Variants in SCN2A observed in about 807,000 individuals in gnomAD.
The protein encoded by SCN2A is sodium voltage-gated channel alpha subunit 2, also known as sodium channel protein type 2 subunit alpha.
SCN2A carries 20 observed loss-of-function variants against 188.7 expected under a neutral mutation model. That is an observed-to-expected ratio of 0.11 (90% confidence interval 0.07 to 0.15). SCN2A has a LOEUF of 0.15. Among genes scored for constraint, SCN2A ranks in the 10% least tolerant of loss-of-function variants. SCN2A has a pLI of 1.00. For synonymous variants in SCN2A, 804 were observed against 833.1 expected (o/e 0.97, Z 0.60); for missense variants, 1,278 against 2,445.0 (o/e 0.52, Z 10.07).
At chr2:165,384,147 T>C (rs1701743705) in intron 25 of SCN2A, among the ~76,000 whole-genome samples, 2 of 151,764 alleles carry the variant, frequency 1.3e-5, no homozygotes, top group African/African-American at 2.4e-5. Flanking sequence ...GAGTAATATA[T>C]GAAAAGAACA....
chr2:165,387,369 C>A (rs1701929789), intron 26 of SCN2A, among the ~76,000 whole-genome samples: 2 of 152,148 alleles, frequency 1.3e-5, no homozygotes, highest in Admixed American at 6.5e-5. Flanking sequence ...TCAATCCACA[C>A]ACATATATAC....
At position 165,375,081 on chromosome 2, in the gene SCN2A, A is replaced by T. The variant is rs1283927328; in HGVS notation, c.4254+115A>T. 5.5e-6 allele frequency: 5 copies of T among 909,470 alleles called. No individual in the cohort carries two copies. The African/African-American group carries it at 8.3e-5, about 15-fold the overall frequency. The allele number at this position is 909,470 out of a possible 1,614,324, so 56.3% of individuals were successfully genotyped here. On this transcript the variant is annotated intron_variant, in intron 22 of 26. Coordinates refer to ENST00000375437, the MANE Select transcript of SCN2A (RefSeq NM_001040142.2). ...ATGGCTATTATCAAACAGATAAATG[A>T]CAATAAATGCTGGCAAGAATGTGAA...
At chr2:165,377,557 A>T in intron 22 of SCN2A, 40 bp from the exon 23 acceptor site, 1 of 1,524,850 alleles carries the variant, frequency 6.6e-7, no homozygotes, top group Non-Finnish European at 9.1e-7. Flanking sequence ...CTAAAATTAT[A>T]ATTTTGGGAA....
At chr2:165,369,813 C>T (rs1328284064) in intron 19 of SCN2A, among the ~76,000 whole-genome samples, 1 of 152,126 alleles carries the variant, frequency 6.6e-6, no homozygotes, top group Non-Finnish European at 1.5e-5. Flanking sequence ...CTGAATGAGA[C>T]CAATCTACTC....
chr2:165,359,512 C>T (rs144080300), intron 17 of SCN2A, among the ~76,000 whole-genome samples: 261 of 152,140 alleles, frequency 1.7e-3, no homozygotes, highest in African/African-American at 6.0e-3. Flanking sequence ...TTTCAATCCT[C>T]ACATTATGGC....
In SCN2A at chr2:165,342,508, A is replaced by G. The variant is rs532136970; in HGVS notation, c.2562+39A>G. On this transcript the variant is annotated intron_variant, in intron 15 of 26. Transcript: ENST00000375437. ...GAGTGTTCATAAAATGTACTTTGTAATTAATTAGTCTTCATTCTCATCTAG... is the reference window on the plus strand; with the variant it reads ...GAGTGTTCATAAAATGTACTTTGTAGTTAATTAGTCTTCATTCTCATCTAG... 3.1e-6 allele frequency: 5 copies of G among 1,598,996 alleles called. No homozygotes were observed. The East Asian group carries it at 8.9e-5, about 29-fold the overall frequency.
At position 165,354,554 on chromosome 2, in the gene SCN2A, A is replaced by G. The variant is rs1700084881; in HGVS notation, c.3282A>G (p.Ser1094=). 1 of 1,614,158 alleles carries G rather than the reference A, an allele frequency of 6.2e-7. No homozygotes were observed. The highest frequency in any genetic ancestry group is 1.3e-5 in the African/African-American group (1 of 75,064). ...TCGTGGATGAAAGTGATTACATGTC[A>G]TTTATAAACAACCCTAGCCTCACTG... ...KYVVDESDYM[S]FINNPSLTVT... Residue 1094 remains serine (S), a synonymous_variant, in exon 17 of 27, where the codon TCA becomes TCG. Coordinates refer to ENST00000375437, the MANE Select transcript of SCN2A (RefSeq NM_001040142.2).
At chr2:165,377,731 A>G in intron 23 of SCN2A, 81 bp downstream of exon 23, 1 of 1,146,368 alleles carries the variant, frequency 8.7e-7, no homozygotes, top group Non-Finnish European at 1.3e-6. Flanking sequence ...TATTGTCAAT[A>G]AAATAAAATT....
chr2:165,389,873 G>C lies in SCN2A; in HGVS notation c.*49G>C. On this transcript the variant is annotated 3_prime_UTR_variant, in exon 27 of 27. Transcript: ENST00000375437. This position sits in a 1 kb window ranked among gnomAD's most constrained non-coding sequence, Gnocchi z 4.2. Reference sequence around the variant, plus strand: ...TTGTGATCAATTGTTTACAGCCCGTGATGGTGATGTGTTTGTGTCAACAGG... The same window carrying C: ...TTGTGATCAATTGTTTACAGCCCGTCATGGTGATGTGTTTGTGTCAACAGG... The C allele has an allele frequency of 1.3e-6, 2 of 1,547,324 alleles. No homozygotes were observed. Among genetic ancestry groups the C allele is most frequent in the Non-Finnish European group, 1.7e-6 (2 of 1,149,776 alleles).
intron 16 of SCN2A, among the ~76,000 whole-genome samples, chr2:165,348,445 G>T (rs1228657319): frequency 6.6e-6 from 1 of 151,476 alleles, no homozygotes; most frequent in Non-Finnish European, 1.5e-5. Context: ...GATAGAGAAA[G>T]GGGAAGGGAA....
chr2:165,256,166 C>T (rs1421895072), intron 1 of SCN2A, among the ~76,000 whole-genome samples: 4 of 151,654 alleles, frequency 2.6e-5, no homozygotes, highest in Non-Finnish European at 4.4e-5. Flanking sequence ...CCCCCACGGC[C>T]GACTAATTAT....
intron 3 of SCN2A, among the ~76,000 whole-genome samples, chr2:165,301,435 A>G (rs1447253514): frequency 6.6e-6 from 1 of 152,178 alleles, no homozygotes; most frequent in African/African-American, 2.4e-5. Flanking sequence ...TGGTAGGAAA[A>G]TGGAAAACAT....
intron 14 of SCN2A, among the ~76,000 whole-genome samples, chr2:165,340,298 A>G (rs990389492): frequency 1.4e-5 from 2 of 140,840 alleles, no homozygotes; most frequent in Non-Finnish European, 3.1e-5. Flanking sequence ...CAAACAATGG[A>G]GACCTACTGA....
At chr2:165,294,019 A>C in intron 1 of SCN2A, 1 of 857,900 alleles carries the variant, frequency 1.2e-6, no homozygotes, top group Non-Finnish European at 1.4e-6. Context: ...TTAAAAAAAA[A>C]AAAAAAAAAA....
intron 12 of SCN2A, among the ~76,000 whole-genome samples, chr2:165,323,974 G>A (rs772758702): frequency 6.6e-6 from 1 of 152,168 alleles, no homozygotes; most frequent in Non-Finnish European, 1.5e-5. Context: ...GCAGGTCAGA[G>A]TGTTGTAACC....
intron 3 of SCN2A, among the ~76,000 whole-genome samples, chr2:165,303,415 A>G (rs1026332156): frequency 2.0e-5 from 3 of 151,620 alleles, no homozygotes; most frequent in African/African-American, 7.3e-5. Flanking sequence ...AGCTGGGACT[A>G]CAGGCGCCCG....
chr2:165,303,597 A>G (rs1261117102), intron 3 of SCN2A, among the ~76,000 whole-genome samples: 1 of 152,138 alleles, frequency 6.6e-6, no homozygotes, highest in Non-Finnish European at 1.5e-5. Context: ...TTTTAAGATC[A>G]TCTGAAACTA....
At chr2:165,246,889 C>G (rs563461520) in intron 1 of SCN2A, among the ~76,000 whole-genome samples, 1 of 152,096 alleles carries the variant, frequency 6.6e-6, no homozygotes, top group African/African-American at 2.4e-5. Context: ...AGATTTCATA[C>G]CCTTTCTTTT....
At chr2:165,356,104 C>T (rs945764012) in intron 17 of SCN2A, among the ~76,000 whole-genome samples, 2 of 151,522 alleles carry the variant, frequency 1.3e-5, no homozygotes, top group Non-Finnish European at 2.9e-5. Context: ...TTGTAAGTTA[C>T]GTAGTATTGC....
Sources: allele counts gnomAD v4.1 joint callset (sites outside exome capture counted in the v4.1 genomes callset), GRCh38; gene constraint gnomAD v4.1.1; non-coding constraint Gnocchi (gnomAD v3.1); transcripts MANE v1.5; gene names NCBI Gene and HGNC (gene_info 2026-07-23, HGNC 2026-07-21).